Variants in PXDNL observed in about 807,000 individuals in gnomAD.
PXDNL encodes peroxidasin like, also known as probable oxidoreductase PXDNL.
In PXDNL, 145 loss-of-function variants were observed where a neutral mutation model predicts 150.8. The observed-to-expected ratio is 0.96, with a 90% CI of 0.84 to 1.10. The LOEUF (loss-of-function observed/expected upper bound fraction) is 1.10. PXDNL is among the 50% of genes least tolerant of loss of function. The pLI is 0.00. For synonymous variants in PXDNL, 757 were observed against 725.7 expected, an observed-to-expected ratio of 1.04 and a Z score of -0.69; for missense variants, 2,087 against 1,873.9, an observed-to-expected ratio of 1.11 and a Z score of -2.10.
chr8:51,744,753 A>G, intron 1 of PXDNL, among the ~76,000 whole-genome samples: 1 of 13,336 alleles, frequency 7.5e-5, no homozygotes, highest in Non-Finnish European at 5.8e-4. Context: ...AAAAGAAAAG[A>G]GAGAGAAAGA....
At chr8:51,659,902 T>A (rs1044907550) in intron 1 of PXDNL, among the ~76,000 whole-genome samples, 1 of 147,624 alleles carries the variant, frequency 6.8e-6, no homozygotes, top group Admixed American at 6.8e-5. Context: ...TTTATTTATT[T>A]ATTTTGAGAA....
chr8:51,675,792 C>CAAAAAA (rs71550280), intron 1 of PXDNL, among the ~76,000 whole-genome samples: 54,124 of 91,964 alleles, frequency 0.59, 15,740 homozygotes, highest in East Asian at 0.76. Flanking sequence ...GGCTCCGTCT[C>CAAAAAA]AAAAAAAAAA....
At chr8:51,478,909 T>A (rs2130140397) in intron 6 of PXDNL, among the ~76,000 whole-genome samples, 1 of 152,316 alleles carries the variant, frequency 6.6e-6, no homozygotes. Context: ...GCTCAAATCA[T>A]CTGTATATCA....
intron 14 of PXDNL, among the ~76,000 whole-genome samples, chr8:51,416,694 CTATT>C (rs1808810200): frequency 6.6e-6 from 1 of 152,104 alleles, no homozygotes; most frequent in African/African-American, 2.4e-5. Flanking sequence ...ATATGATTTG[CTATT>C]TATTTATATG....
chr8:51,548,330 G>A (rs78224014), intron 4 of PXDNL, among the ~76,000 whole-genome samples: 3,972 of 152,096 alleles, frequency 0.026, 94 homozygotes, highest in African/African-American at 0.06. Context: ...AAATACAAGA[G>A]GCTCAAAGAA....
At chr8:51,441,766 A>G (rs1809555613) in intron 12 of PXDNL, among the ~76,000 whole-genome samples, 1 of 152,156 alleles carries the variant, frequency 6.6e-6, no homozygotes. Context: ...GCCCTGTAGG[A>G]CTGTCCATTG....
At chr8:51,377,570 G>A (rs1407775854) in intron 17 of PXDNL, among the ~76,000 whole-genome samples, 3 of 152,214 alleles carry the variant, frequency 2.0e-5, no homozygotes, top group African/African-American at 4.8e-5. Flanking sequence ...GGGCCAGCGC[G>A]AGTTCCGGGT....
chr8:51,642,696 A>G (rs1296885980), intron 2 of PXDNL, among the ~76,000 whole-genome samples: 1 of 152,230 alleles, frequency 6.6e-6, no homozygotes, highest in Non-Finnish European at 1.5e-5. Context: ...GGCCAGGGCA[A>G]TCAGGCAGGA....
chr8:51,660,677 A>G (rs1815252731), intron 1 of PXDNL, among the ~76,000 whole-genome samples: 1 of 152,174 alleles, frequency 6.6e-6, no homozygotes, highest in Non-Finnish European at 1.5e-5. Flanking sequence ...AAGTCACTGG[A>G]ATGGCACAAG....
intron 2 of PXDNL, among the ~76,000 whole-genome samples, chr8:51,614,993 C>T (rs1364159608): frequency 1.3e-5 from 2 of 152,078 alleles, no homozygotes; most frequent in Admixed American, 6.5e-5. Context: ...CTTCGAATTC[C>T]ATTTTATAGT....
intron 4 of PXDNL, among the ~76,000 whole-genome samples, chr8:51,547,687 G>T (rs1173183112): frequency 6.6e-6 from 1 of 152,174 alleles, no homozygotes; most frequent in East Asian, 1.9e-4. Flanking sequence ...AAGAGAATCT[G>T]AACAGCAGCC....
At chr8:51,741,790 G>T (rs1271740594) in intron 1 of PXDNL, among the ~76,000 whole-genome samples, 1 of 152,204 alleles carries the variant, frequency 6.6e-6, no homozygotes, top group African/African-American at 2.4e-5. Flanking sequence ...CACGTCGCTG[G>T]TGGGAATGTA....
chr8:51,530,446 C>A (rs978496749), intron 4 of PXDNL, among the ~76,000 whole-genome samples: 2 of 152,268 alleles, frequency 1.3e-5, no homozygotes, highest in African/African-American at 2.4e-5. Context: ...ATCAAAGCAG[C>A]CAGAATGATC....
chr8:51,707,944 T>C (rs748173157), intron 1 of PXDNL, among the ~76,000 whole-genome samples: 1 of 152,076 alleles, frequency 6.6e-6, no homozygotes, highest in Non-Finnish European at 1.5e-5. Context: ...CAAATATATA[T>C]ATATAATATT....
At chr8:51,571,017 A>T (rs1812926055) in intron 3 of PXDNL, among the ~76,000 whole-genome samples, 1 of 151,770 alleles carries the variant, frequency 6.6e-6, no homozygotes, top group Admixed American at 6.6e-5. Context: ...GTAATAATTC[A>T]CTAATTTCCA....
chr8:51,776,175 C>T lies in PXDNL; in HGVS notation c.164+33006G>A, dbSNP rs185767809. On this transcript the variant is annotated intron_variant, in intron 1 of 22. Coordinates refer to ENST00000356297, the MANE Select transcript of PXDNL (RefSeq NM_144651.5). ...TGATAAGATGTTATCAATGACAATGCGTGCCCAAAACTTCATTAGCAATTT... is the reference window on the plus strand; with the variant it reads ...TGATAAGATGTTATCAATGACAATGTGTGCCCAAAACTTCATTAGCAATTT... 2.7e-4 allele frequency among the ~76,000 whole-genome samples: 41 copies of T among 152,282 alleles called. No homozygotes were observed. In the East Asian group the frequency reaches 7.7e-3, roughly 29 times the overall value.
Position 51,371,365 on chromosome 8 carries a change from G to A in PXDNL, c.3901+508C>T, listed in dbSNP as rs190823593. On this transcript the variant is annotated intron_variant, in intron 19 of 22. Transcript: ENST00000356297. ...AAGCACCTTAGGGAAAGTTTGGTTC[G>A]TAAACGGTGATGTTGTAGATATCAC... Among the ~76,000 whole-genome samples the A allele has an allele frequency of 9.4e-4, 143 of 152,326 alleles. 1 individual carries two copies. Among genetic ancestry groups the A allele is most frequent in the African/African-American group, 3.2e-3 (132 of 41,572 alleles).
chr8:51,697,752 G>A (rs1319350613), intron 1 of PXDNL, among the ~76,000 whole-genome samples: 3 of 152,216 alleles, frequency 2.0e-5, no homozygotes, highest in Admixed American at 6.5e-5. Flanking sequence ...GAACTTGTCT[G>A]AGTCATTCTT....
At chr8:51,453,438 A>G in intron 10 of PXDNL, 81 bp downstream of exon 10, 2 of 1,364,216 alleles carry the variant, frequency 1.5e-6, no homozygotes, top group South Asian at 1.3e-5. Context: ...CCACTGATGT[A>G]CATGACATTA....
Sources: gnomAD v4.1 joint callset for allele counts (sites outside exome capture counted in the v4.1 genomes callset) on GRCh38, gnomAD v4.1.1 for gene constraint, MANE v1.5 for transcripts, NCBI Gene and HGNC (gene_info 2026-07-23, HGNC 2026-07-21) for gene names.